Variants in FRMPD4 observed in about 807,000 individuals in gnomAD.
FRMPD4 encodes the protein FERM and PDZ domain-containing protein 4.
A neutral mutation model predicts 94.1 loss-of-function variants in FRMPD4; 22 were observed. The ratio of observed to expected loss-of-function variants is 0.23; its 90% CI spans 0.17 to 0.33. FRMPD4 has a LOEUF of 0.33. Ranked by LOEUF, FRMPD4 falls within the 10% of genes least tolerant of loss-of-function variation. The pLI is 1.00. For synonymous variants in FRMPD4, 631 were observed against 548.6 expected, an observed-to-expected ratio of 1.15 and a Z score of -2.10; for missense variants, 1,111 against 1,339.9, an observed-to-expected ratio of 0.83 and a Z score of 2.67.
chrX:12,160,114 C>T (rs115430707), intron 1 of FRMPD4, among the ~76,000 whole-genome samples: 6,442 of 105,652 alleles, frequency 0.061, 181 homozygotes, highest in South Asian at 0.093. Context: ...CCTGTGTGTG[C>T]GTGCGTGTAT....
chrX:12,595,727 A>T (rs1228959185), intron 2 of FRMPD4, among the ~76,000 whole-genome samples: 1 of 112,285 alleles, frequency 8.9e-6, no homozygotes, highest in Non-Finnish European at 1.9e-5. Flanking sequence ...ACTTGGTTTG[A>T]ACTCTAAATG....
intron 1 of FRMPD4, among the ~76,000 whole-genome samples, chrX:11,827,466 G>A (rs929508592): frequency 7.2e-5 from 8 of 111,278 alleles, no homozygotes; most frequent in African/African-American, 2.6e-4. Flanking sequence ...ATCTGGACTT[G>A]AGCATCACTG....
At chrX:12,598,381 C>T (rs888250772) in intron 2 of FRMPD4, among the ~76,000 whole-genome samples, 8 of 111,462 alleles carry the variant, frequency 7.2e-5, no homozygotes, top group African/African-American at 2.6e-4. Context: ...GCAGCTGGGA[C>T]CTGTTAGCAC....
chrX:12,388,989 C>G (rs886872107), intron 1 of FRMPD4, among the ~76,000 whole-genome samples: 2 of 107,620 alleles, frequency 1.9e-5, no homozygotes, highest in Non-Finnish European at 3.8e-5. Context: ...TTGTCACTTA[C>G]GTGTGGAATC....
chrX:11,867,063 G>A (rs1015082644), intron 2 of FRMPD4, among the ~76,000 whole-genome samples: 83 of 110,934 alleles, frequency 7.5e-4, no homozygotes, highest in South Asian at 1.9e-3. Context: ...AAATATCAGA[G>A]TATATTATTA....
intron 4 of FRMPD4, among the ~76,000 whole-genome samples, chrX:12,669,258 T>C (rs1440864672): frequency 9.0e-6 from 1 of 111,706 alleles, no homozygotes; most frequent in Admixed American, 9.5e-5. Context: ...CACAAGGAAC[T>C]GAGGCCCTTG....
chrX:12,497,087 G>C (rs2057858620), intron 1 of FRMPD4, among the ~76,000 whole-genome samples: 1 of 111,344 alleles, frequency 9.0e-6, no homozygotes, highest in Admixed American at 9.5e-5. Context: ...AAAGGAAAAG[G>C]AAAGGAAAGG....
intron 1 of FRMPD4, among the ~76,000 whole-genome samples, chrX:12,232,721 A>G (rs1436769607): frequency 8.9e-6 from 1 of 111,925 alleles, no homozygotes; most frequent in Non-Finnish European, 1.9e-5. Context: ...TTTCAATTAA[A>G]TCTGGACACA....
intron 1 of FRMPD4, among the ~76,000 whole-genome samples, chrX:12,472,860 G>A (rs1251345224): frequency 9.0e-6 from 1 of 111,091 alleles, no homozygotes; most frequent in Non-Finnish European, 1.9e-5. Flanking sequence ...AAGTGACGGG[G>A]AGAATGGAAC....
intron 1 of FRMPD4, among the ~76,000 whole-genome samples, chrX:12,450,772 T>A (rs2057256029): frequency 9.3e-6 from 1 of 107,813 alleles, no homozygotes; most frequent in South Asian, 4.2e-4. Flanking sequence ...TGAGATAGAA[T>A]GTTTGATGGG....
chrX:12,630,496 A>G (rs1352892414), intron 4 of FRMPD4, among the ~76,000 whole-genome samples: 2 of 112,530 alleles, frequency 1.8e-5, no homozygotes, highest in East Asian at 5.5e-4. Context: ...ATAGAGGAAG[A>G]GAAATGAAGC....
rs1030534039 is a variant in FRMPD4, at chrX:11,875,968, C to G, written c.-29-1927C>G. On this transcript the variant is annotated intron_variant, in intron 2 of 18. Transcript: ENST00000640291. ...TCGGCTCACTGCAAGCTCCGCCTCCCGGGTTCGCGCCATTCTCCTGCCTCA... is the reference window on the plus strand; with the variant it reads ...TCGGCTCACTGCAAGCTCCGCCTCCGGGGTTCGCGCCATTCTCCTGCCTCA... 4.7e-5 allele frequency among the ~76,000 whole-genome samples: 5 copies of G among 106,227 alleles called. No individual in the cohort carries two copies. The Admixed American group carries it at 5.0e-4, about 11-fold the overall frequency. The allele number at this position is 106,227 out of a possible 115,157, so 92.2% of individuals were successfully genotyped here. A position where few individuals can be genotyped will look rare whatever the true frequency, so the allele number is the denominator to read the frequency against.
At chrX:12,432,288 C>T (rs1367692182) in intron 1 of FRMPD4, among the ~76,000 whole-genome samples, 4 of 112,385 alleles carry the variant, frequency 3.6e-5, no homozygotes, top group Non-Finnish European at 7.5e-5. Context: ...CTGCATAGTA[C>T]TTAACATCCA....
intron 3 of FRMPD4, among the ~76,000 whole-genome samples, chrX:12,033,903 G>T (rs1243802117): frequency 9.0e-6 from 1 of 111,557 alleles, no homozygotes; most frequent in Admixed American, 9.4e-5. Context: ...CTTCATATTG[G>T]TCAGGCTGGT....
intron 3 of FRMPD4, among the ~76,000 whole-genome samples, chrX:12,076,717 TTATC>T (rs1414551323): frequency 5.4e-5 from 6 of 111,119 alleles, no homozygotes; most frequent in African/African-American, 2.0e-4. Flanking sequence ...TTCTACCACT[TTATC>T]TATGCATTGA....
intron 3 of FRMPD4, among the ~76,000 whole-genome samples, chrX:11,974,036 C>T (rs148539161): frequency 0.017 from 1,916 of 111,411 alleles, 15 homozygotes; most frequent in Non-Finnish European, 0.025. Context: ...TGAGTGGTTT[C>T]GAGTGGAACT....
intron 3 of FRMPD4, among the ~76,000 whole-genome samples, chrX:11,905,437 AAAT>A (rs1163685203): frequency 1.6e-3 from 181 of 112,018 alleles, no homozygotes; most frequent in African/African-American, 5.2e-3. Context: ...TTTTATTTTG[AAAT>A]AATAAAATAT....
chrX:12,448,079 T>C (rs1373968305), intron 1 of FRMPD4, among the ~76,000 whole-genome samples: 1 of 111,879 alleles, frequency 8.9e-6, no homozygotes, highest in Non-Finnish European at 1.9e-5. Context: ...CAGGTAATGC[T>C]TGAATCTTTT....
chrX:12,671,948 G>T (rs1393383135), intron 4 of FRMPD4, among the ~76,000 whole-genome samples: 2 of 111,477 alleles, frequency 1.8e-5, no homozygotes, highest in Non-Finnish European at 3.8e-5. Context: ...TTGTACACTT[G>T]TAATCACAAT....
Sources: allele counts gnomAD v4.1 joint callset (sites outside exome capture counted in the v4.1 genomes callset), GRCh38; gene constraint gnomAD v4.1.1; transcripts MANE v1.5; gene names NCBI Gene and HGNC (gene_info 2026-07-23, HGNC 2026-07-21).